The following OR4N2 variants were observed in gnomAD, a reference collection of about 807,000 sequenced individuals.
OR4N2 encodes the protein olfactory receptor family 4 subfamily N member 2, also known as olfactory receptor 4N2.
For synonymous variants in OR4N2, 141 were observed against 140.4 expected (o/e 1.00, Z -0.03); for missense variants, 307 against 377.6 (o/e 0.81, Z 1.55).
intron 1 of OR4N2, among the ~76,000 whole-genome samples, chr14:19,822,830 TTA>T (rs2138478402): frequency 6.6e-6 from 1 of 152,376 alleles, no homozygotes; most frequent in Non-Finnish European, 1.5e-5. Flanking sequence ...AGTCAATACA[TTA>T]AACTATTTGG....
chr14:19,818,173 G>A (rs1399377255), intron 1 of OR4N2, among the ~76,000 whole-genome samples: 3 of 152,212 alleles, frequency 2.0e-5, no homozygotes, highest in Middle Eastern at 3.2e-3. Context: ...GTTGATTTGG[G>A]GTGGAGAGTT....
chr14:19,816,393 C>T (rs558477149), intron 1 of OR4N2, among the ~76,000 whole-genome samples: 25 of 152,330 alleles, frequency 1.6e-4, no homozygotes, highest in African/African-American at 6.0e-4. Flanking sequence ...GTTTGTAATT[C>T]TCCTTGAAGA....
At position 19,829,905 on chromosome 14, in the gene OR4N2, T is replaced by C. The variant is rs1430402201; in HGVS notation, c.*1533T>C. ...AATCCTTCTCTATTCTCACTCTGTTTATTGCGTTGCTTCCTGTTTTAGTGA... is the reference window on the plus strand; with the variant it reads ...AATCCTTCTCTATTCTCACTCTGTTCATTGCGTTGCTTCCTGTTTTAGTGA... On this transcript the variant is annotated 3_prime_UTR_variant, in exon 2 of 2. Coordinates refer to ENST00000557677, the MANE Select transcript of OR4N2 (RefSeq NM_001004723.3). The C allele has an allele frequency of 6.6e-6, 1 of 152,302 alleles. No individual in the cohort carries two copies. The highest frequency in any genetic ancestry group is 6.5e-5 in the Admixed American group (1 of 15,292). The allele number at this position is 152,302 out of a possible 1,614,324, so 9.4% of individuals were successfully genotyped here.
At chr14:19,803,933 G>C (rs1236931168) in intron 1 of OR4N2, 89 bp downstream of exon 1, 1 of 152,208 alleles carries the variant, frequency 6.6e-6, no homozygotes. Flanking sequence ...AATCTTAGGA[G>C]GTTGTATGTT....
rs1879743570 is a variant in OR4N2, at chr14:19,827,721, A to G, written c.273A>G (p.Ile91Met). The G allele has an allele frequency of 1.2e-6, 2 of 1,614,242 alleles. No individual in the cohort carries two copies. The highest frequency in any genetic ancestry group is 1.7e-6 in the Non-Finnish European group (2 of 1,180,056). Residue 91 changes from isoleucine (I) to methionine (M), a missense_variant, in exon 2 of 2, where the codon ATA (isoleucine) becomes ATG (methionine). Physicochemically the swap from Ile to Met is conservative, Grantham distance 10 (BLOSUM62 1). Transcript: ENST00000557677. The part of the protein sequence containing the change: ...MLVDFLSAKK[I>M]ISYRGCITQL... Reference sequence around the variant, plus strand: ...TGGACTTCCTCTCTGCGAAGAAGATAATCTCCTACAGAGGCTGCATCACTC... The same window carrying G: ...TGGACTTCCTCTCTGCGAAGAAGATGATCTCCTACAGAGGCTGCATCACTC...
In OR4N2 at chr14:19,828,531, T is replaced by A; in HGVS notation, c.*159T>A. 2 of 749,106 alleles carry A rather than the reference T, an allele frequency of 2.7e-6. No individual in the cohort carries two copies. The highest frequency in any genetic ancestry group is 1.9e-5 in the South Asian group (1 of 52,220). The allele number at this position is 749,106 out of a possible 1,614,324, so 46.4% of individuals were successfully genotyped here. ...ATTACTGAGGCAGATAAGGTCCATC[T>A]GCTCTCCAAGAGATACAACCTAGTA... On this transcript the variant is annotated 3_prime_UTR_variant, in exon 2 of 2. Transcript: ENST00000557677.
chr14:19,816,655 C>A (rs1366058606), intron 1 of OR4N2, among the ~76,000 whole-genome samples: 6 of 152,194 alleles, frequency 3.9e-5, no homozygotes, highest in Admixed American at 3.3e-4. Flanking sequence ...GACAATTTAC[C>A]TCCCTCTCTT....
intron 1 of OR4N2, among the ~76,000 whole-genome samples, chr14:19,825,794 G>T (rs187540588): frequency 6.6e-6 from 1 of 152,218 alleles, no homozygotes; most frequent in East Asian, 1.9e-4. Flanking sequence ...TCCTGAGCTC[G>T]TGATCCACCC....
chr14:19,824,336 T>C (rs1879639692), intron 1 of OR4N2, among the ~76,000 whole-genome samples: 1 of 152,180 alleles, frequency 6.6e-6, no homozygotes, highest in African/African-American at 2.4e-5. Flanking sequence ...CATCAAGAAG[T>C]CAAGTAGTAC....
chr14:19,806,369 G>A (rs1232933408), intron 1 of OR4N2, among the ~76,000 whole-genome samples: 1 of 149,682 alleles, frequency 6.7e-6, no homozygotes, highest in Non-Finnish European at 1.5e-5. Context: ...AAAGTAAAGG[G>A]ATGCAGAAAG....
intron 1 of OR4N2, among the ~76,000 whole-genome samples, chr14:19,814,630 T>C (rs1471394579): frequency 6.6e-6 from 1 of 152,266 alleles, no homozygotes; most frequent in Non-Finnish European, 1.5e-5. Flanking sequence ...TTGAGCCATG[T>C]TGGAACCTGA....
Position 19,829,146 on chromosome 14 carries a change from A to T in OR4N2, c.*774A>T, listed in dbSNP as rs562455663. The T allele has an allele frequency of 7.9e-5, 12 of 152,344 alleles. No homozygotes were observed. The East Asian group carries it at 2.3e-3, about 29-fold the overall frequency. 9.4% of individuals were successfully genotyped at this position (152,344 alleles called of 1,614,324 possible). ...CACTTTGAAAGATATTAAACTACCA[A>T]TTTTTCTTACATAAATAAGCAGAGA... On this transcript the variant is annotated 3_prime_UTR_variant, in exon 2 of 2. Coordinates refer to ENST00000557677, the MANE Select transcript of OR4N2 (RefSeq NM_001004723.3).
At chr14:19,818,603 T>C (rs1369158215) in intron 1 of OR4N2, among the ~76,000 whole-genome samples, 3 of 152,194 alleles carry the variant, frequency 2.0e-5, no homozygotes, top group Non-Finnish European at 4.4e-5. Flanking sequence ...GTCTCCTGAA[T>C]ACAGCACACC....
At chr14:19,825,509 C>A (rs1455301334) in intron 1 of OR4N2, among the ~76,000 whole-genome samples, 1 of 151,880 alleles carries the variant, frequency 6.6e-6, no homozygotes, top group Non-Finnish European at 1.5e-5. Context: ...TCCTTCCGCA[C>A]CCCATGTGCT....
At chr14:19,813,990 C>G (rs1879365612) in intron 1 of OR4N2, among the ~76,000 whole-genome samples, 1 of 151,586 alleles carries the variant, frequency 6.6e-6, no homozygotes, top group African/African-American at 2.4e-5. Context: ...TTTTTCTACT[C>G]TTACACTTTG....
At chr14:19,816,736 A>G (rs1364895296) in intron 1 of OR4N2, among the ~76,000 whole-genome samples, 1 of 152,244 alleles carries the variant, frequency 6.6e-6, no homozygotes, top group Non-Finnish European at 1.5e-5. Flanking sequence ...ACTGTGTTGA[A>G]TAAGGATGGT....
At chr14:19,822,353 T>C (rs2318285) in intron 1 of OR4N2, 17,588 of 149,932 alleles carry the variant, frequency 0.12, 601 homozygotes, top group South Asian at 0.24. Context: ...GGGAGGAGGA[T>C]GCAGAAATGG....
rs1182117655 is a variant in OR4N2 at position 19,828,837 on chromosome 14, T to C, written c.*465T>C. On this transcript the variant is annotated 3_prime_UTR_variant, in exon 2 of 2. Coordinates refer to ENST00000557677, the MANE Select transcript of OR4N2 (RefSeq NM_001004723.3). ...AAAGATGATGATGAACTTGGTATAT[T>C]TGAAGAATACAATAAAGTCCATGTT... is the stretch of plus-strand genomic sequence containing the variant. 6.1e-6 allele frequency: 1 copy of C among 164,744 alleles called. No individual in the cohort carries two copies. The highest frequency in any genetic ancestry group is 1.3e-5 in the Non-Finnish European group (1 of 74,744). The allele number at this position is 164,744 out of a possible 1,614,324, so 10.2% of individuals were successfully genotyped here. A position where few individuals can be genotyped will look rare whatever the true frequency, so the allele number is the denominator to read the frequency against.
intron 1 of OR4N2, among the ~76,000 whole-genome samples, chr14:19,809,467 T>C (rs1352235896): frequency 6.6e-6 from 1 of 152,196 alleles, no homozygotes; most frequent in African/African-American, 2.4e-5. Flanking sequence ...AAAGGTCTAA[T>C]ATCCAGAAAC....
Sources: allele counts gnomAD v4.1 joint callset (sites outside exome capture counted in the v4.1 genomes callset), GRCh38; gene constraint gnomAD v4.1.1; transcripts MANE v1.5; gene names NCBI Gene and HGNC (gene_info 2026-07-23, HGNC 2026-07-21).